Variants in REV3L observed in about 807,000 individuals in gnomAD.
REV3L encodes REV3 like, DNA directed polymerase zeta catalytic subunit.
Under a neutral mutation model 299.4 loss-of-function variants are expected in REV3L, and 69 were observed. The observed-to-expected ratio is 0.23, with a 90% confidence interval of 0.19 to 0.28. The LOEUF (loss-of-function observed/expected upper bound fraction) is 0.28, where lower values mean the gene tolerates loss of function less well. Ranked by LOEUF, REV3L falls within the 10% of genes least tolerant of loss-of-function variation. The pLI, the probability that REV3L is intolerant of heterozygous loss-of-function variation, is 1.00. For missense variants in REV3L, 3,128 were observed against 3,693.8 expected (o/e 0.85, Z 3.97); for synonymous variants, 1,238 against 1,271.4 (o/e 0.97, Z 0.56).
At chr6:111,441,362 C>T (rs1020677981) in intron 1 of REV3L, among the ~76,000 whole-genome samples, 2 of 152,090 alleles carry the variant, frequency 1.3e-5, no homozygotes, top group African/African-American at 4.8e-5. Context: ...AGGCAATTCT[C>T]CCACCTCAGC....
intron 30 of REV3L, 139 bp downstream of exon 30, chr6:111,309,714 T>G: frequency 1.1e-6 from 1 of 906,610 alleles, no homozygotes; most frequent in Non-Finnish European, 1.6e-6. Flanking sequence ...CCCTCCCGCT[T>G]TCCGTATCAT....
rs74804395 is a variant in REV3L, at chr6:111,424,584, A to G, written c.140-8112T>C. On this transcript the variant is annotated intron_variant, in intron 1 of 31. Coordinates refer to ENST00000368802, the MANE Select transcript of REV3L (RefSeq NM_001372078.1). The stretch of plus-strand genomic sequence containing the variant: ...CTGCAGCTTCAAAACAGTCTTGAAA[A>G]TCAAAGCCTTGCATCCATAGCAGCT... Among the ~76,000 whole-genome samples the G allele has an allele frequency of 7.3e-3, 1,118 of 152,294 alleles. 13 individuals are homozygous for G. The highest frequency in any genetic ancestry group is 0.026 in the African/African-American group (1,064 of 41,558).
chr6:111,443,672 G>A (rs1330856357), intron 1 of REV3L, among the ~76,000 whole-genome samples: 2 of 152,158 alleles, frequency 1.3e-5, no homozygotes, highest in Non-Finnish European at 2.9e-5. Context: ...TCAATACTCT[G>A]AATAGACAAA....
At chr6:111,467,126 T>C (rs1325308346) in intron 1 of REV3L, among the ~76,000 whole-genome samples, 1 of 152,218 alleles carries the variant, frequency 6.6e-6, no homozygotes, top group Non-Finnish European at 1.5e-5. Flanking sequence ...GGTAAAATTA[T>C]ATAAGAAGAA....
intron 23 of REV3L, among the ~76,000 whole-genome samples, chr6:111,332,013 G>A (rs535906011): frequency 6.6e-6 from 1 of 152,116 alleles, no homozygotes; most frequent in South Asian, 2.1e-4. Context: ...TAAAATTTAT[G>A]GGTAAAATCT....
chr6:111,483,664 A>C, upstream of REV3L: 1 of 415,186 alleles, frequency 2.4e-6, no homozygotes, highest in Non-Finnish European at 4.8e-6. Flanking sequence ...GTTTTTCACA[A>C]GGTAAGAAAA....
intron 18 of REV3L, among the ~76,000 whole-genome samples, chr6:111,354,486 T>C (rs150517111): frequency 1.4e-3 from 217 of 152,296 alleles, no homozygotes; most frequent in South Asian, 3.9e-3. Context: ...TTTAGAAGAA[T>C]TGTAAAGTTG....
intron 3 of REV3L, among the ~76,000 whole-genome samples, chr6:111,409,506 A>G (rs944883597): frequency 2.0e-5 from 3 of 152,276 alleles, no homozygotes; most frequent in African/African-American, 7.2e-5. Flanking sequence ...TAATCTTAGT[A>G]TAATAAAGAT....
At chr6:111,348,098 A>C (rs565694366) in intron 20 of REV3L, among the ~76,000 whole-genome samples, 1 of 152,086 alleles carries the variant, frequency 6.6e-6, no homozygotes, top group African/African-American at 2.4e-5. Flanking sequence ...CACCATGCCC[A>C]ACCTAATTGT....
chr6:111,414,866 C>T (rs1784591919), intron 2 of REV3L, among the ~76,000 whole-genome samples: 1 of 152,176 alleles, frequency 6.6e-6, no homozygotes, highest in East Asian at 1.9e-4. Flanking sequence ...TACTTCCCTG[C>T]TACCACCCTA....
chr6:111,341,035 T>A (rs1554197229), intron 21 of REV3L, among the ~76,000 whole-genome samples: 3 of 122,420 alleles, frequency 2.5e-5, no homozygotes, highest in Non-Finnish European at 3.5e-5. Flanking sequence ...TAATTTCTCC[T>A]CAGCTTTTTT....
At chr6:111,339,776 T>A (rs1776294036) in intron 21 of REV3L, among the ~76,000 whole-genome samples, 1 of 152,182 alleles carries the variant, frequency 6.6e-6, no homozygotes, top group Admixed American at 6.5e-5. Context: ...CGAAATAAAA[T>A]CATCATCCTT....
intron 9 of REV3L, among the ~76,000 whole-genome samples, chr6:111,387,519 G>T (rs1781463947): frequency 6.6e-6 from 1 of 152,060 alleles, no homozygotes; most frequent in Non-Finnish European, 1.5e-5. Context: ...TAAAACAATG[G>T]TATATATGGT....
intron 1 of REV3L, among the ~76,000 whole-genome samples, chr6:111,434,295 A>G (rs1787284204): frequency 6.6e-6 from 1 of 152,150 alleles, no homozygotes; most frequent in South Asian, 2.1e-4. Context: ...GAAAAGCCTG[A>G]GGAACTCAAC....
chr6:111,331,856 ATCTT>A (rs1331068041), intron 23 of REV3L, 72 bp from the exon 24 acceptor site: 26 of 977,274 alleles, frequency 2.7e-5, no homozygotes, highest in Non-Finnish European at 3.5e-5. Context: ...AATTTAAAAA[ATCTT>A]TCTAACTCCA....
intron 24 of REV3L, among the ~76,000 whole-genome samples, 166 bp downstream of exon 24, chr6:111,331,509 TG>T (rs1775374070): frequency 6.6e-6 from 1 of 152,234 alleles, no homozygotes; most frequent in South Asian, 2.1e-4. Flanking sequence ...GGTTTGTTCC[TG>T]AAGTGATTTC....
intron 1 of REV3L, among the ~76,000 whole-genome samples, chr6:111,422,674 ATATACG>A (rs1275806267): frequency 0.032 from 1,421 of 44,676 alleles, 324 homozygotes; most frequent in Middle Eastern, 0.067. Context: ...ATATATATAT[ATATACG>A]TATATATATA....
At position 111,322,667 on chromosome 6, in the gene REV3L, A is replaced by G. The variant is rs1241734766; in HGVS notation, c.8253T>C (p.Ser2751=). The G allele has an allele frequency of 1.9e-6, 3 of 1,613,578 alleles. No individual in the cohort carries two copies. The highest frequency in any genetic ancestry group is 1.7e-6 in the Non-Finnish European group (2 of 1,179,606). Residue 2751 remains serine, a synonymous_variant, in exon 26 of 32, where the codon AGT becomes AGC. Transcript: ENST00000368802. ...GRMPCIEVGD[S]IVHKARETLE... is the part of the protein sequence containing the mutation. ...AGGTCTCTCTGGCTTTGTGAACAATACTATCGCCAACCTGTTGGTACAAAC... is the reference window on the plus strand; with the variant it reads ...AGGTCTCTCTGGCTTTGTGAACAATGCTATCGCCAACCTGTTGGTACAAAC...
chr6:111,325,364 T>C (rs959303666), intron 25 of REV3L, among the ~76,000 whole-genome samples: 91 of 152,332 alleles, frequency 6.0e-4, no homozygotes, highest in African/African-American at 2.1e-3. Flanking sequence ...GACAGAGACA[T>C]TAACCTCCAC....
Sources: gnomAD v4.1 joint callset for allele counts (sites outside exome capture counted in the v4.1 genomes callset) on GRCh38, gnomAD v4.1.1 for gene constraint, MANE v1.5 for transcripts, NCBI Gene and HGNC (gene_info 2026-07-23, HGNC 2026-07-21) for gene names.